The following FAM47E variants were observed in gnomAD, a reference collection of about 807,000 sequenced individuals.
FAM47E encodes the protein protein FAM47E.
Under a neutral mutation model 41.6 loss-of-function variants are expected in FAM47E, and 32 were observed. The ratio of observed to expected loss-of-function variants is 0.77; its 90% CI spans 0.58 to 1.03. The LOEUF is 1.03. FAM47E is among the 50% of genes least tolerant of loss of function. The pLI, the probability that FAM47E is intolerant of heterozygous loss-of-function variation, is 0.00. For missense variants in FAM47E, 424 were observed against 485.4 expected (o/e 0.87, Z 1.19); for synonymous variants, 184 against 188.7 (o/e 0.98, Z 0.20).
chr4:76,282,583 T>G (rs1252432306), intron 7 of FAM47E: 1 of 152,336 alleles, frequency 6.6e-6, no homozygotes, highest in Middle Eastern at 3.4e-3. Context: ...CAATCCTGCA[T>G]GCAATTTTGT....
intron 2 of FAM47E, among the ~76,000 whole-genome samples, chr4:76,242,561 T>G (rs1292472566): frequency 6.6e-6 from 1 of 152,206 alleles, no homozygotes; most frequent in Non-Finnish European, 1.5e-5. Context: ...TGAGCCAATA[T>G]TCCTTGAGTG....
At chr4:76,259,914 T>A (rs572392734) in intron 2 of FAM47E, among the ~76,000 whole-genome samples, 1 of 152,304 alleles carries the variant, frequency 6.6e-6, no homozygotes, top group Admixed American at 6.5e-5. Flanking sequence ...TCTCTATACA[T>A]TATCAATGCT....
intron 2 of FAM47E, among the ~76,000 whole-genome samples, chr4:76,230,915 G>GA (rs1424079081): frequency 6.6e-6 from 1 of 152,172 alleles, no homozygotes; most frequent in Non-Finnish European, 1.5e-5. Context: ...TAATTGGCAG[G>GA]AATCAGCCAC....
upstream of FAM47E, among the ~76,000 whole-genome samples, chr4:76,249,249 C>T (rs1033163680): frequency 1.5e-4 from 23 of 151,808 alleles, no homozygotes; most frequent in African/African-American, 5.6e-4. Flanking sequence ...CAAAACAAAA[C>T]AAAAAAATAG....
intron 2 of FAM47E, among the ~76,000 whole-genome samples, chr4:76,237,731 G>A (rs1423981463): frequency 2.0e-5 from 3 of 152,170 alleles, no homozygotes; most frequent in African/African-American, 7.2e-5. Context: ...ATGACAGAAG[G>A]TGAAGGGGGA....
At chr4:76,244,183 A>G (rs533599687) in intron 2 of FAM47E, among the ~76,000 whole-genome samples, 1 of 152,202 alleles carries the variant, frequency 6.6e-6, no homozygotes, top group Non-Finnish European at 1.5e-5. Flanking sequence ...GCTATTGTGA[A>G]TAGTGCCACA....
intron 1 of FAM47E, among the ~76,000 whole-genome samples, chr4:76,255,480 A>G (rs17001719): frequency 0.011 from 1,735 of 152,260 alleles, 30 homozygotes; most frequent in African/African-American, 0.04. Flanking sequence ...TGTTGGCCCA[A>G]TGTAGCCCAT....
intron 3 of FAM47E, among the ~76,000 whole-genome samples, chr4:76,265,277 C>T (rs186501434): frequency 1.9e-3 from 282 of 152,288 alleles, no homozygotes; most frequent in Middle Eastern, 6.8e-3. Flanking sequence ...CTCCTTGCTT[C>T]CCCATTCTAG....
At chr4:76,230,321 C>T (rs1596116) in intron 2 of FAM47E, among the ~76,000 whole-genome samples, 22,792 of 152,100 alleles carry the variant, frequency 0.15, 2,037 homozygotes, top group East Asian at 0.35. Flanking sequence ...ATAGGCCTAA[C>T]TCAACTCCCA....
intron 2 of FAM47E, among the ~76,000 whole-genome samples, chr4:76,231,652 C>T (rs1368693427): frequency 1.3e-5 from 2 of 152,180 alleles, no homozygotes; most frequent in Admixed American, 6.5e-5. Flanking sequence ...AAAGGCCTTT[C>T]GGATTGGCTT....
At chr4:76,283,297 T>C in intron 7 of FAM47E, 84 bp from the exon 8 acceptor site, 1 of 725,140 alleles carries the variant, frequency 1.4e-6, no homozygotes, top group Non-Finnish European at 2.4e-6. Flanking sequence ...AATTTTGAGT[T>C]AGATATGGTA....
intron 1 of FAM47E, among the ~76,000 whole-genome samples, chr4:76,255,390 G>T (rs1303647794): frequency 6.6e-6 from 1 of 152,126 alleles, no homozygotes; most frequent in Non-Finnish European, 1.5e-5. Flanking sequence ...GTAGAACAGT[G>T]TCTGTTATGT....
intron 3 of FAM47E, among the ~76,000 whole-genome samples, chr4:76,264,140 G>A (rs11097313): frequency 0.35 from 53,605 of 152,008 alleles, 10,117 homozygotes; most frequent in Admixed American, 0.42. Context: ...TGATTTTGAG[G>A]CAGCTTCTAA....
At chr4:76,274,558 G>A (rs1735020660) in intron 5 of FAM47E, among the ~76,000 whole-genome samples, 1 of 152,184 alleles carries the variant, frequency 6.6e-6, no homozygotes, top group Admixed American at 6.5e-5. Context: ...TCCAGTCTGG[G>A]TAACAGAGTG....
chr4:76,221,290 C>T (rs1264107729), intron 2 of FAM47E, among the ~76,000 whole-genome samples: 2 of 152,122 alleles, frequency 1.3e-5, no homozygotes, highest in African/African-American at 2.4e-5. Flanking sequence ...TTTCTTTTCC[C>T]CACTAAAGCC....
intron 2 of FAM47E, among the ~76,000 whole-genome samples, chr4:76,222,966 T>C (rs1733336334): frequency 6.6e-6 from 1 of 152,064 alleles, no homozygotes; most frequent in Non-Finnish European, 1.5e-5. Context: ...GAATCGACCA[T>C]GTAGGTGTAA....
chr4:76,231,368 C>A (rs1733489323), intron 2 of FAM47E, among the ~76,000 whole-genome samples: 1 of 152,206 alleles, frequency 6.6e-6, no homozygotes, highest in South Asian at 2.1e-4. Context: ...TCTTTCTGAG[C>A]TGCAGCTGGA....
Position 76,283,735 on chromosome 4 carries a change from G to A in FAM47E, c.*277G>A. 1.1e-5 allele frequency: 3 copies of A among 268,910 alleles called. No homozygotes were observed. The highest frequency in any genetic ancestry group is 1.4e-5 in the Non-Finnish European group (2 of 141,382). The allele number at this position is 268,910 out of a possible 1,614,324, so 16.7% of individuals were successfully genotyped here. On this transcript the variant is annotated 3_prime_UTR_variant, in exon 8 of 8. Transcript: ENST00000424749. ...TTTTGTGGCACGTGAATATTATATA[G>A]GTATATCAACTATTGGTAAAAATAA...
chr4:76,231,120 A>G (rs560099780), intron 2 of FAM47E, among the ~76,000 whole-genome samples: 15 of 152,278 alleles, frequency 9.9e-5, no homozygotes, highest in Admixed American at 4.6e-4. Context: ...TCCTCCTCCA[A>G]TAAGGGAGAG....
Sources: allele counts gnomAD v4.1 joint callset (sites outside exome capture counted in the v4.1 genomes callset), GRCh38; gene constraint gnomAD v4.1.1; transcripts MANE v1.5; gene names NCBI Gene and HGNC (gene_info 2026-07-23, HGNC 2026-07-21).